The following PRMT1 variants were observed in gnomAD, a reference collection of about 807,000 sequenced individuals.
PRMT1 encodes protein arginine N-methyltransferase 1.
PRMT1 carries 5 observed loss-of-function variants against 47.4 expected under a neutral mutation model. The ratio of observed to expected loss-of-function variants is 0.11; its 90% CI spans 0.06 to 0.22. The LOEUF (loss-of-function observed/expected upper bound fraction) is 0.22. Ranked by LOEUF, PRMT1 falls within the 10% of genes least tolerant of loss-of-function variation. The pLI is 1.00. For missense variants in PRMT1, 249 were observed against 518.4 expected, an observed-to-expected ratio of 0.48 and a Z score of 5.05; for synonymous variants, 227 against 204.6, an observed-to-expected ratio of 1.11 and a Z score of -0.94.
upstream of PRMT1, chr19:49,677,225 G>T (rs2082047049): frequency 1.4e-6 from 2 of 1,399,066 alleles, no homozygotes; most frequent in Admixed American, 5.8e-5. Context: ...GGTCCCGGGG[G>T]AGTGAGGAGA....
rs2082243619 is a variant in PRMT1 at position 49,688,358 on chromosome 19, T to G, written c.*113T>G. 1.1e-6 allele frequency: 1 copy of G among 934,190 alleles called. No homozygotes were observed. The highest frequency in any genetic ancestry group is 1.7e-6 in the Non-Finnish European group (1 of 587,364). 57.9% of individuals were successfully genotyped at this position (934,190 alleles called of 1,614,324 possible). A position where few individuals can be genotyped will look rare whatever the true frequency, so the allele number is the denominator to read the frequency against. ...AGAAGGGGGTTTTAGGGGCCTGGGC[T>G]GGGGGGATGGGGAGGGCACATCGTG... On this transcript the variant is annotated 3_prime_UTR_variant, in exon 11 of 11. Transcript: ENST00000454376. This position sits in a 1 kb window ranked among gnomAD's most constrained non-coding sequence, Gnocchi z 5.3.
intron 10 of PRMT1, 29 bp downstream of exon 10, chr19:49,686,755 G>A (rs1384054271): frequency 1.9e-6 from 3 of 1,577,212 alleles, no homozygotes; most frequent in East Asian, 2.4e-5. Context: ...GGGTGGGAGG[G>A]TGGCAGCTAG....
At position 49,681,936 on chromosome 19, in the gene PRMT1, C is replaced by T; in HGVS notation, c.219C>T (p.Thr73=). The change falls in exon 4 of 11, where the codon ACC becomes ACT. Residue 73 remains threonine, a synonymous_variant. Coordinates refer to ENST00000454376, the MANE Select transcript of PRMT1 (RefSeq NM_001536.6). The surrounding 1 kb of genome is among the most constrained non-coding windows in gnomAD (Gnocchi z 4.4). ...HEEMLKDEVR[T]LTYRNSMFHN... ...AGATGCTGAAGGACGAGGTGCGCACCCTCACTTACCGCAACTCCATGTTTC... is the reference window on the plus strand; with the variant it reads ...AGATGCTGAAGGACGAGGTGCGCACTCTCACTTACCGCAACTCCATGTTTC... 6.2e-7 allele frequency: 1 copy of T among 1,614,096 alleles called. No individual in the cohort carries two copies. The highest frequency in any genetic ancestry group is 8.5e-7 in the Non-Finnish European group (1 of 1,180,002).
chr19:49,684,030 C>G lies in PRMT1; in HGVS notation c.516C>G (p.Ser172=). The change falls in exon 6 of 11, where the codon TCC becomes TCG. Residue 172 remains serine, a synonymous_variant. Coordinates refer to ENST00000454376, the MANE Select transcript of PRMT1 (RefSeq NM_001536.6). This position sits in a 1 kb window ranked among gnomAD's most constrained non-coding sequence, Gnocchi z 6.2. ...EWMGYCLFYE[S]MLNTVLYARD... ...TGGGCTACTGCCTCTTCTACGAGTC[C>G]ATGCTCAACACCGTGCTCTATGCCC... 1 of 1,614,204 alleles carries G rather than the reference C, an allele frequency of 6.2e-7. No homozygotes were observed.
In PRMT1 at chr19:49,680,104, C is replaced by G; in HGVS notation, c.90+179C>G. On this transcript the variant is annotated intron_variant, in intron 2 of 10. Coordinates refer to ENST00000454376, the MANE Select transcript of PRMT1 (RefSeq NM_001536.6). This position sits in a 1 kb window ranked among gnomAD's most constrained non-coding sequence, Gnocchi z 4.2. ...GTTCACAGCCCCCGCTGGCCTCCCC[C>G]AGTATCGCCGCTACTTCCTTAACTC... The G allele has an allele frequency of 1.8e-6, 2 of 1,105,406 alleles. No homozygotes were observed. The highest frequency in any genetic ancestry group is 2.6e-5 in the East Asian group (1 of 38,946). The allele number at this position is 1,105,406 out of a possible 1,614,324, so 68.5% of individuals were successfully genotyped here.
At chr19:49,686,276 C>CCCGAG in intron 9 of PRMT1, 33 bp downstream of exon 9, 1 of 1,560,952 alleles carries the variant, frequency 6.4e-7, no homozygotes, top group African/African-American at 1.4e-5. Context: ...GGGGGCCGTT[C>CCCGAG]CCGAGCCAGG....
rs896434305 is a variant in PRMT1, at chr19:49,682,341, G to T, written c.412+82G>T. The T allele has an allele frequency of 4.9e-6, 7 of 1,422,120 alleles. No individual in the cohort carries two copies. The East Asian group carries it at 1.1e-4, about 23-fold the overall frequency. 88.1% of individuals were successfully genotyped at this position (1,422,120 alleles called of 1,614,324 possible). A position where few individuals can be genotyped will look rare whatever the true frequency, so the allele number is the denominator to read the frequency against. On this transcript the variant is annotated intron_variant, in intron 5 of 10. Transcript: ENST00000454376. ...CCAGGGCCCTCTGAAGAGCAGTGGGGTCTACAGATGACCACAGATTCAGCA... is the reference window on the plus strand; with the variant it reads ...CCAGGGCCCTCTGAAGAGCAGTGGGTTCTACAGATGACCACAGATTCAGCA...
rs920173969 is a variant in PRMT1, at chr19:49,684,642, C to T, written c.556-112C>T. The T allele has an allele frequency of 3.5e-5, 43 of 1,238,952 alleles. No homozygotes were observed. The highest frequency in any genetic ancestry group is 2.7e-4 in the Middle Eastern group (1 of 3,730). The allele number at this position is 1,238,952 out of a possible 1,614,324, so 76.7% of individuals were successfully genotyped here. A position where few individuals can be genotyped will look rare whatever the true frequency, so the allele number is the denominator to read the frequency against. On this transcript the variant is annotated intron_variant, in intron 6 of 10. Transcript: ENST00000454376. The surrounding 1 kb of genome is among the most constrained non-coding windows in gnomAD (Gnocchi z 6.2). ...AGACCAGGGGGCGAGGGGTGAGTGC[C>T]GCTGCGACATGAGGGTGGCCCAGAC... is the stretch of plus-strand genomic sequence containing the variant.
At chr19:49,677,086 C>T (rs1030420871), upstream of PRMT1, 2 of 451,796 alleles carry the variant, frequency 4.4e-6, no homozygotes, top group Non-Finnish European at 7.3e-6. Flanking sequence ...GTTGGCAAAC[C>T]CCTGACCTAT....
intron 9 of PRMT1, 47 bp from the exon 10 acceptor site, chr19:49,686,558 T>TGGGGGGGGGGG (rs373572931): frequency 4.7e-6 from 3 of 635,224 alleles, no homozygotes; most frequent in East Asian, 5.2e-5. Context: ...AGGGTGGGGT[T>TGGGGGGGGGGG]GGGGGGGGCA....
At position 49,681,874 on chromosome 19, in the gene PRMT1, G is replaced by A. The variant is rs753860642; in HGVS notation, c.193-36G>A. 46 of 1,589,324 alleles carry A rather than the reference G, an allele frequency of 2.9e-5. No individual in the cohort carries two copies. Among genetic ancestry groups the A allele is most frequent in the Non-Finnish European group, 4.0e-5 (46 of 1,163,572 alleles). ...GCTGTTCTCCAGCTGGGGATATGGG[G>A]CCCCTCACGGCGTCTCTGTGCCATT... On this transcript the variant is annotated intron_variant, in intron 3 of 10. Transcript: ENST00000454376. This position sits in a 1 kb window ranked among gnomAD's most constrained non-coding sequence, Gnocchi z 4.4.
Position 49,680,042 on chromosome 19 carries a change from C to A in PRMT1, c.90+117C>A. Reference sequence around the variant, plus strand: ...ACCCCTCTTGCTTCAAACCAGTTTACCCCAGGCCCCCAGACACTTAGTAGC... The same window carrying A: ...ACCCCTCTTGCTTCAAACCAGTTTAACCCAGGCCCCCAGACACTTAGTAGC... On this transcript the variant is annotated intron_variant, in intron 2 of 10. Transcript: ENST00000454376. The surrounding 1 kb of genome is among the most constrained non-coding windows in gnomAD (Gnocchi z 4.2). 8.2e-7 allele frequency: 1 copy of A among 1,216,808 alleles called. No homozygotes were observed. The highest frequency in any genetic ancestry group is 1.2e-6 in the Non-Finnish European group (1 of 845,122). 75.4% of individuals were successfully genotyped at this position (1,216,808 alleles called of 1,614,324 possible).
At chr19:49,678,486 C>T (rs1038002280) in intron 1 of PRMT1, among the ~76,000 whole-genome samples, 2 of 152,162 alleles carry the variant, frequency 1.3e-5, no homozygotes, top group East Asian at 1.9e-4. Context: ...GGGAAACCCC[C>T]TCAGCACCTT....
rs2082167903 is a variant in PRMT1 at position 49,684,123 on chromosome 19, G to A, written c.555+54G>A. ...CGCGTGGGCTGGGGTCCAGGTAGAA[G>A]ACGAAAACCACGCTCAATTTTTCCC... On this transcript the variant is annotated intron_variant, in intron 6 of 10. Coordinates refer to ENST00000454376, the MANE Select transcript of PRMT1 (RefSeq NM_001536.6). The surrounding 1 kb of genome is among the most constrained non-coding windows in gnomAD (Gnocchi z 6.2). The A allele has an allele frequency of 1.9e-6, 3 of 1,603,956 alleles. No individual in the cohort carries two copies. Among genetic ancestry groups the A allele is most frequent in the South Asian group, 2.2e-5 (2 of 90,564 alleles).
Position 49,685,211 on chromosome 19 carries a change from C to A in PRMT1, c.759+174C>A, listed in dbSNP as rs1248899439. On this transcript the variant is annotated intron_variant, in intron 8 of 10. Transcript: ENST00000454376. The surrounding 1 kb of genome is among the most constrained non-coding windows in gnomAD (Gnocchi z 4.7). The stretch of plus-strand genomic sequence containing the variant: ...GAAAGACACTTCGTCCTTTAAATAT[C>A]TTTGTGAGCGCTGCTGTGTGAGAAC... 24 of 1,529,588 alleles carry A rather than the reference C, an allele frequency of 1.6e-5. No individual in the cohort carries two copies. The highest frequency in any genetic ancestry group is 2.1e-5 in the Non-Finnish European group (24 of 1,142,804). 94.8% of individuals were successfully genotyped at this position (1,529,588 alleles called of 1,614,324 possible). A position where few individuals can be genotyped will look rare whatever the true frequency, so the allele number is the denominator to read the frequency against.
intron 8 of PRMT1, 75 bp from the exon 9 acceptor site, chr19:49,686,018 G>C (rs1011613830): frequency 1.9e-6 from 3 of 1,553,088 alleles, no homozygotes; most frequent in Admixed American, 1.8e-5. Context: ...AGGCCCTCTG[G>C]GAGCTTAAGG....
In PRMT1 at chr19:49,684,272, G is replaced by C. The variant is rs986310352; in HGVS notation, c.555+203G>C. ...GGGAGGTCGTAGGAACAGGAAATCC[G>C]TAGCGGCGCAATAGCCCAGGTCCTT... On this transcript the variant is annotated intron_variant, in intron 6 of 10. Coordinates refer to ENST00000454376, the MANE Select transcript of PRMT1 (RefSeq NM_001536.6). This position sits in a 1 kb window ranked among gnomAD's most constrained non-coding sequence, Gnocchi z 6.2. Among the ~76,000 whole-genome samples the C allele has an allele frequency of 6.6e-6, 1 of 151,754 alleles. No individual in the cohort carries two copies. The highest frequency in any genetic ancestry group is 1.5e-5 in the Non-Finnish European group (1 of 67,940).
chr19:49,686,609 C>T lies in PRMT1; in HGVS notation c.915C>T (p.Pro305=), dbSNP rs527655904. The part of the protein sequence containing the change: ...CHKRTGFSTS[P]ESPYTHWKQT... ...CTGACCCGCCCGCGCCCCCAGGCCC[C>T]GAGTCCCCGTACACGCACTGGAAGC... Residue 305 remains proline (P), a synonymous_variant, in exon 10 of 11, where the codon CCC becomes CCT. Coordinates refer to ENST00000454376, the MANE Select transcript of PRMT1 (RefSeq NM_001536.6). 24 of 1,610,526 alleles carry T rather than the reference C, an allele frequency of 1.5e-5. No individual in the cohort carries two copies. The East Asian group carries it at 2.0e-4, about 13-fold the overall frequency.
upstream of PRMT1, chr19:49,677,218 C>A (rs1372430261): frequency 2.9e-6 from 4 of 1,385,952 alleles, no homozygotes; most frequent in Non-Finnish European, 3.8e-6. Flanking sequence ...ATAAGGCGGT[C>A]CCGGGGGAGT....
Sources: allele counts gnomAD v4.1 joint callset (sites outside exome capture counted in the v4.1 genomes callset), GRCh38; gene constraint gnomAD v4.1.1; non-coding constraint Gnocchi (gnomAD v3.1); transcripts MANE v1.5; gene names NCBI Gene and HGNC (gene_info 2026-07-23, HGNC 2026-07-21).